Variants in NUP98 observed in about 807,000 individuals in gnomAD.
NUP98 encodes nuclear pore complex protein Nup98-Nup96.
A neutral mutation model predicts 191.9 loss-of-function variants in NUP98; 26 were observed. The observed-to-expected ratio is 0.14, with a 90% CI of 0.10 to 0.19. The LOEUF is 0.19. Among genes scored for constraint, NUP98 ranks in the 10% least tolerant of loss-of-function variants. The pLI, the probability that NUP98 is intolerant of heterozygous loss-of-function variation, is 1.00. For synonymous variants in NUP98, 808 were observed against 778.4 expected (o/e 1.04, Z -0.63); for missense variants, 1,941 against 2,178.8 (o/e 0.89, Z 2.17).
Position 3,691,198 on chromosome 11 carries a change from T to C in NUP98, c.4454+149A>G, listed in dbSNP as rs550066538. 4.2e-5 allele frequency: 31 copies of C among 735,964 alleles called. No homozygotes were observed. In the South Asian group the frequency reaches 6.1e-4, roughly 14 times the overall value. 45.6% of individuals were successfully genotyped at this position (735,964 alleles called of 1,614,324 possible). A position where few individuals can be genotyped will look rare whatever the true frequency, so the allele number is the denominator to read the frequency against. ...AGACTTCTAATTCTAGTTCTAATGC[T>C]CTTTCCATTCAACTACTTTAAGTTA... On this transcript the variant is annotated intron_variant, in intron 28 of 32. Coordinates refer to ENST00000324932, the MANE Select transcript of NUP98 (RefSeq NM_016320.5).
chr11:3,788,433 T>C (rs371130438), intron 1 of NUP98, among the ~76,000 whole-genome samples: 6 of 151,596 alleles, frequency 4.0e-5, no homozygotes, highest in Non-Finnish European at 5.9e-5. Flanking sequence ...TGAAACCCCC[T>C]GTCTCTACTA....
At chr11:3,678,239 A>C (rs1019562283) in intron 31 of NUP98, among the ~76,000 whole-genome samples, 16 of 152,090 alleles carry the variant, frequency 1.1e-4, no homozygotes, top group African/African-American at 3.1e-4. Flanking sequence ...TATGAACTAT[A>C]ATCTGTACTA....
At chr11:3,725,992 T>TTG in intron 14 of NUP98, among the ~76,000 whole-genome samples, 1 of 152,152 alleles carries the variant, frequency 6.6e-6, no homozygotes, top group Non-Finnish European at 1.5e-5. Flanking sequence ...GGCCACTGTT[T>TTG]TGTTGAAACA....
chr11:3,725,745 T>C (rs1480427656), intron 14 of NUP98, among the ~76,000 whole-genome samples: 2 of 152,244 alleles, frequency 1.3e-5, no homozygotes, highest in African/African-American at 2.4e-5. Context: ...CAAGAAAGTA[T>C]TGAAGTAAAA....
intron 22 of NUP98, 56 bp from the exon 23 acceptor site, chr11:3,702,948 T>C: frequency 1.4e-6 from 2 of 1,393,322 alleles, no homozygotes; most frequent in Admixed American, 4.3e-5. Flanking sequence ...CAAGCTATTG[T>C]TTCTTGAACA....
At chr11:3,767,828 A>C (rs74049700) in intron 8 of NUP98, among the ~76,000 whole-genome samples, 4,005 of 151,970 alleles carry the variant, frequency 0.026, 198 homozygotes, top group African/African-American at 0.092. Flanking sequence ...AAAAAAAAAA[A>C]ACAAAAAAAC....
At chr11:3,719,791 G>GTC (rs1446919853) in intron 17 of NUP98, among the ~76,000 whole-genome samples, 2 of 149,490 alleles carry the variant, frequency 1.3e-5, no homozygotes, top group Non-Finnish European at 3.0e-5. Flanking sequence ...TTTTGGCAAG[G>GTC]TCTTGTTCTG....
At chr11:3,743,911 T>C (rs2080389232) in intron 12 of NUP98, among the ~76,000 whole-genome samples, 1 of 151,562 alleles carries the variant, frequency 6.6e-6, no homozygotes, top group African/African-American at 2.4e-5. Context: ...AAAAAAAAAT[T>C]AGCTGGGTGT....
intron 10 of NUP98, 83 bp from the exon 11 acceptor site, chr11:3,753,491 C>A (rs2080842212): frequency 1.9e-6 from 2 of 1,058,974 alleles, no homozygotes; most frequent in East Asian, 4.8e-5. Context: ...ACAAAGCAGT[C>A]TGACTTTAAG....
intron 4 of NUP98, among the ~76,000 whole-genome samples, chr11:3,776,316 C>A (rs1288276133): frequency 1.3e-5 from 2 of 151,154 alleles, no homozygotes; most frequent in Non-Finnish European, 2.9e-5. Context: ...GTAGAGACTG[C>A]CTTTTGCCAT....
intron 9 of NUP98, 111 bp downstream of exon 9, chr11:3,762,791 G>A (rs1408435214): frequency 5.6e-6 from 6 of 1,076,030 alleles, no homozygotes; most frequent in Non-Finnish European, 8.1e-6. Context: ...TTAGGCTGGT[G>A]CAATAATACA....
intron 19 of NUP98, 94 bp from the exon 20 acceptor site, chr11:3,712,822 AAAG>A (rs1203906953): frequency 7.7e-7 from 1 of 1,307,024 alleles, no homozygotes; most frequent in Non-Finnish European, 1.1e-6. Flanking sequence ...AAGAAAAAAG[AAAG>A]AAAAGGGGAG....
chr11:3,721,007 T>TGTGTGTGTGTGTGA (rs911995906), intron 16 of NUP98, 182 bp from the exon 17 acceptor site: 3 of 431,284 alleles, frequency 7.0e-6, no homozygotes, highest in African/African-American at 6.2e-5. Flanking sequence ...TGTGTGTGTG[T>TGTGTGTGTGTGTGA]GAAAAGCTTC....
intron 14 of NUP98, among the ~76,000 whole-genome samples, chr11:3,726,637 C>G (rs1157117525): frequency 6.6e-6 from 1 of 151,678 alleles, no homozygotes; most frequent in Non-Finnish European, 1.5e-5. Flanking sequence ...AAAAGTCACT[C>G]AAAATATAAA....
At chr11:3,714,686 T>A (rs2079121119) in intron 18 of NUP98, 1 of 163,636 alleles carries the variant, frequency 6.1e-6, no homozygotes, top group Non-Finnish European at 1.3e-5. Flanking sequence ...TCACTTAGCA[T>A]GTCCTCAAGG....
At chr11:3,747,922 T>C (rs181860817) in intron 11 of NUP98, among the ~76,000 whole-genome samples, 5 of 152,310 alleles carry the variant, frequency 3.3e-5, no homozygotes, top group African/African-American at 1.2e-4. Flanking sequence ...CATCAGGGAA[T>C]TGCAACAGTG....
chr11:3,767,240 C>A (rs1251372026), intron 8 of NUP98, among the ~76,000 whole-genome samples: 5 of 151,852 alleles, frequency 3.3e-5, no homozygotes, highest in African/African-American at 1.2e-4. Context: ...GGATTACAGG[C>A]AGGAGCCAGC....
intron 28 of NUP98, among the ~76,000 whole-genome samples, chr11:3,686,765 C>G (rs2078145227): frequency 6.6e-6 from 1 of 152,126 alleles, no homozygotes; most frequent in South Asian, 2.1e-4. Flanking sequence ...GGGCGGATCA[C>G]TTGAGGTCAG....
rs201767459 is a variant in NUP98 at position 3,708,724 on chromosome 11, T to TA, written c.2743-2098dup. 7.0e-3 allele frequency among the ~76,000 whole-genome samples: 873 copies of TA among 123,832 alleles called. 8 individuals carry two copies. Among genetic ancestry groups the TA allele is most frequent in the African/African-American group, 0.02 (679 of 34,040 alleles). The allele number at this position is 123,832 out of a possible 152,430, so 81.2% of individuals were successfully genotyped here. ...CCAGTCCTGAAAAAAAAGGTGTACT[T>TA]AAAAAAAAAAAAAAAAAGATGGCTC... On this transcript the variant is annotated intron_variant, in intron 20 of 32. Coordinates refer to ENST00000324932, the MANE Select transcript of NUP98 (RefSeq NM_016320.5).
Sources: gnomAD v4.1 joint callset for allele counts (sites outside exome capture counted in the v4.1 genomes callset) on GRCh38, gnomAD v4.1.1 for gene constraint, MANE v1.5 for transcripts, NCBI Gene and HGNC (gene_info 2026-07-23, HGNC 2026-07-21) for gene names.